Variants in HCRTR2 observed in about 807,000 individuals in gnomAD.
HCRTR2 encodes orexin receptor type 2.
In HCRTR2, 22 loss-of-function variants were observed where a neutral mutation model predicts 49.0. That is an observed-to-expected ratio of 0.45 (90% CI 0.32 to 0.64). HCRTR2 has a LOEUF of 0.64. HCRTR2 is among the 30% of genes least tolerant of loss of function. The pLI, the probability that HCRTR2 is intolerant of heterozygous loss-of-function variation, is 0.04. For missense variants in HCRTR2, 491 were observed against 559.4 expected (o/e 0.88, Z 1.23); for synonymous variants, 236 against 205.3 (o/e 1.15, Z -1.28).
At chr6:55,260,010 C>T (rs960997966) in intron 3 of HCRTR2, among the ~76,000 whole-genome samples, 8 of 152,070 alleles carry the variant, frequency 5.3e-5, no homozygotes, top group South Asian at 2.1e-4. Flanking sequence ...TTTGCTTGAT[C>T]TTTTTTCCAT....
At chr6:55,139,048 T>G (rs887818372) in intron 1 of HCRTR2, among the ~76,000 whole-genome samples, 1 of 152,142 alleles carries the variant, frequency 6.6e-6, no homozygotes, top group Admixed American at 6.5e-5. Flanking sequence ...AAATTTCATT[T>G]GTGTCTGGAA....
At chr6:55,243,815 T>C (rs1479565532) in intron 1 of HCRTR2, among the ~76,000 whole-genome samples, 2 of 152,102 alleles carry the variant, frequency 1.3e-5, no homozygotes, top group African/African-American at 4.8e-5. Flanking sequence ...TGATCCACAA[T>C]AATTTTAGAA....
chr6:55,117,963 G>T (rs1220601615), intron 1 of HCRTR2, among the ~76,000 whole-genome samples: 1 of 151,470 alleles, frequency 6.6e-6, no homozygotes, highest in Non-Finnish European at 1.5e-5. Flanking sequence ...GTAAACTTGT[G>T]TCATGGAGGT....
intron 1 of HCRTR2, among the ~76,000 whole-genome samples, chr6:55,137,581 C>G (rs1047437868): frequency 1.3e-5 from 2 of 152,034 alleles, no homozygotes; most frequent in African/African-American, 2.4e-5. Context: ...ACTCAGGAAA[C>G]CTGAGAGAGT....
intron 1 of HCRTR2, chr6:55,240,814 A>G: frequency 4.8e-6 from 2 of 418,666 alleles, no homozygotes; most frequent in Admixed American, 2.5e-5. Context: ...GGTTTTTTGA[A>G]AATAGGAGTT....
At chr6:55,152,858 G>T (rs1162701862) in intron 1 of HCRTR2, among the ~76,000 whole-genome samples, 1 of 151,904 alleles carries the variant, frequency 6.6e-6, no homozygotes, top group Non-Finnish European at 1.5e-5. Flanking sequence ...CATTACATAG[G>T]TTGACTTTTC....
chr6:55,189,073 G>A (rs1309155872), intron 1 of HCRTR2, among the ~76,000 whole-genome samples: 1 of 152,164 alleles, frequency 6.6e-6, no homozygotes, highest in Non-Finnish European at 1.5e-5. Flanking sequence ...GTAATTTTGA[G>A]TAATAAGGTC....
chr6:55,219,122 C>T (rs185551054), intron 1 of HCRTR2, among the ~76,000 whole-genome samples: 1 of 152,192 alleles, frequency 6.6e-6, no homozygotes, highest in East Asian at 1.9e-4. Context: ...TGCTCAGGAC[C>T]CAACTTTCAA....
intron 3 of HCRTR2, among the ~76,000 whole-genome samples, chr6:55,258,739 C>A (rs1766699307): frequency 6.6e-6 from 1 of 152,108 alleles, no homozygotes; most frequent in East Asian, 1.9e-4. Context: ...ATGCATAGTT[C>A]TACAGGAAAG....
intron 1 of HCRTR2, among the ~76,000 whole-genome samples, chr6:55,228,828 A>AT (rs1044601649): frequency 3.3e-5 from 5 of 152,198 alleles, no homozygotes; most frequent in African/African-American, 4.8e-5. Flanking sequence ...TTTTAATCCT[A>AT]TTTTTTGACA....
chr6:55,152,657 A>G (rs527301452), intron 1 of HCRTR2, among the ~76,000 whole-genome samples: 1 of 152,016 alleles, frequency 6.6e-6, no homozygotes, highest in African/African-American at 2.4e-5. Flanking sequence ...TTGGGGTGGT[A>G]TCCTCATCTG....
In HCRTR2 at chr6:55,259,825, A is replaced by T. The variant is rs561008052; in HGVS notation, c.647-3882A>T. Among the ~76,000 whole-genome samples, 16 of 152,258 alleles carry T rather than the reference A, an allele frequency of 1.1e-4. No homozygotes were observed. The South Asian group carries it at 1.2e-3, about 12-fold the overall frequency. ...TAGGTTATATACAAATGTCTTAAAT[A>T]CATTGAAGACATTGCTTATGAAGTA... On this transcript the variant is annotated intron_variant, in intron 3 of 6. Transcript: ENST00000370862.
At chr6:55,141,633 A>G (rs1038795841) in intron 1 of HCRTR2, among the ~76,000 whole-genome samples, 2 of 152,206 alleles carry the variant, frequency 1.3e-5, no homozygotes, top group African/African-American at 2.4e-5. Flanking sequence ...TCCCAAATGG[A>G]TAATATAGGT....
chr6:55,110,651 T>C (rs1764036291), intron 1 of HCRTR2, among the ~76,000 whole-genome samples: 1 of 151,666 alleles, frequency 6.6e-6, no homozygotes, highest in South Asian at 2.1e-4. Context: ...TATATAAAGA[T>C]AAAAGGTATA....
intron 1 of HCRTR2, among the ~76,000 whole-genome samples, chr6:55,187,657 T>C (rs1425600391): frequency 1.3e-5 from 2 of 148,960 alleles, no homozygotes; most frequent in Non-Finnish European, 3.0e-5. Context: ...CTACAACAAC[T>C]AGTGTGATAG....
upstream of HCRTR2, among the ~76,000 whole-genome samples, chr6:55,173,224 A>G (rs1456510716): frequency 6.6e-6 from 1 of 152,230 alleles, no homozygotes; most frequent in Admixed American, 6.5e-5. Context: ...CAAAAAGACA[A>G]ATCGTGGCTT....
chr6:55,111,640 G>A (rs1280343691), intron 1 of HCRTR2, among the ~76,000 whole-genome samples: 1 of 151,946 alleles, frequency 6.6e-6, no homozygotes, highest in Non-Finnish European at 1.5e-5. Context: ...CACGCAGTGA[G>A]ATTGAAGTGA....
At chr6:55,157,650 T>TCAC (rs1478286311) in intron 1 of HCRTR2, among the ~76,000 whole-genome samples, 1 of 152,216 alleles carries the variant, frequency 6.6e-6, no homozygotes, top group African/African-American at 2.4e-5. Context: ...GGTGCTTGTG[T>TCAC]CACCCCTCCT....
At position 55,149,854 on chromosome 6, in the gene HCRTR2, C is replaced by G. The variant is rs1045973982; in HGVS notation, c.-377-24357C>G. 3.0e-4 allele frequency among the ~76,000 whole-genome samples: 46 copies of G among 151,980 alleles called. 1 individual carries two copies. The highest frequency in any genetic ancestry group is 3.7e-4 in the Non-Finnish European group (25 of 67,918). ...CAAATGTACTTGGCTTTCAGAACTT[C>G]TGACTGGAAATCATTTAGAATGTTT... On this transcript the variant is annotated intron_variant, in intron 1 of 7. Coordinates refer to the HCRTR2 transcript ENST00000615358.
Sources: gnomAD v4.1 joint callset for allele counts (sites outside exome capture counted in the v4.1 genomes callset) on GRCh38, gnomAD v4.1.1 for gene constraint, MANE v1.5 for transcripts, NCBI Gene and HGNC (gene_info 2026-07-23, HGNC 2026-07-21) for gene names.